CEP63: variants seen among roughly 807,000 people sequenced by gnomAD.
CEP63 encodes the protein centrosomal protein of 63 kDa.
In CEP63, 84 loss-of-function variants were observed where a neutral mutation model predicts 89.1. The observed-to-expected ratio is 0.94, with a 90% CI of 0.79 to 1.13. The LOEUF is 1.13. Among genes scored for constraint, CEP63 ranks in the 50% most tolerant of loss-of-function variants. The probability of loss-of-function intolerance (pLI) is 0.00; values close to 1 mark genes in which losing one functional copy is unlikely to be tolerated. For synonymous variants in CEP63, 267 were observed against 272.5 expected (o/e 0.98, Z 0.20); for missense variants, 838 against 813.3 (o/e 1.03, Z -0.37).
intron 11 of CEP63, among the ~76,000 whole-genome samples, chr3:134,572,495 G>T: frequency 6.6e-6 from 1 of 152,154 alleles, no homozygotes; most frequent in East Asian, 1.9e-4. Context: ...TTGTAAGAGA[G>T]AACATACAGT....
the CEP63 span, among the ~76,000 whole-genome samples, chr3:134,676,935 C>T: frequency 6.6e-6 from 1 of 152,146 alleles, no homozygotes; most frequent in Non-Finnish European, 1.5e-5. Flanking sequence ...GCTTCTTCCA[C>T]TAGAAAAATA....
At chr3:134,684,981 G>A in the CEP63 span, among the ~76,000 whole-genome samples, 1 of 152,212 alleles carries the variant, frequency 6.6e-6, no homozygotes, top group African/African-American at 2.4e-5. Context: ...CACATGGCCT[G>A]ATTGGAGGAA....
intron 5 of CEP63, chr3:134,536,213 T>C (rs1403083350): frequency 1.3e-5 from 2 of 152,322 alleles, no homozygotes; most frequent in African/African-American, 2.4e-5. Flanking sequence ...TGCTATACCA[T>C]ACAAGAAATG....
At chr3:134,661,205 T>A in the CEP63 span, among the ~76,000 whole-genome samples, 1 of 152,196 alleles carries the variant, frequency 6.6e-6, no homozygotes, top group Non-Finnish European at 1.5e-5. Flanking sequence ...CTCCACCGCA[T>A]ACTTGAGCAC....
At chr3:134,490,758 C>T (rs1413788369) in intron 1 of CEP63, among the ~76,000 whole-genome samples, 1 of 151,928 alleles carries the variant, frequency 6.6e-6, no homozygotes, top group African/African-American at 2.4e-5. Flanking sequence ...GTCTATCCTT[C>T]CATTAAAAAA....
At chr3:134,544,565 A>G (rs760049103) in intron 6 of CEP63, among the ~76,000 whole-genome samples, 5 of 150,200 alleles carry the variant, frequency 3.3e-5, no homozygotes, top group African/African-American at 4.9e-5. Context: ...AGAGCATTTT[A>G]TGGTCACGAT....
At chr3:134,547,614 C>CTTTTTTTTCTTTTTTTTTTTTTTTT (rs1953752187) in intron 9 of CEP63, 142 bp downstream of exon 9, 1 of 224,274 alleles carries the variant, frequency 4.5e-6, no homozygotes, top group Non-Finnish European at 8.0e-6. Flanking sequence ...GTTCTTATTT[C>CTTTTTTTTCTTTTTTTTTTTTTTTT]TTTTTTTTTT....
At chr3:134,490,024 A>G (rs6768709) in intron 1 of CEP63, among the ~76,000 whole-genome samples, 3,143 of 152,128 alleles carry the variant, frequency 0.021, 48 homozygotes, top group South Asian at 0.038. Flanking sequence ...TTCCTGGCTC[A>G]TTTATAGATT....
chr3:134,505,591 G>C (rs1371109227), intron 2 of CEP63, among the ~76,000 whole-genome samples: 1 of 152,128 alleles, frequency 6.6e-6, no homozygotes, highest in Non-Finnish European at 1.5e-5. Context: ...CAATCCCCAG[G>C]CCCGTGGGTG....
At chr3:134,682,987 T>G in the CEP63 span, among the ~76,000 whole-genome samples, 1 of 152,232 alleles carries the variant, frequency 6.6e-6, no homozygotes, top group African/African-American at 2.4e-5. Flanking sequence ...ACCACAGTTC[T>G]GCTTTTAAAC....
chr3:134,664,380 C>T, the CEP63 span, among the ~76,000 whole-genome samples: 1 of 152,176 alleles, frequency 6.6e-6, no homozygotes, highest in African/African-American at 2.4e-5. Flanking sequence ...GTAGTGACTG[C>T]TCACAAGCAG....
chr3:134,642,052 A>G, the CEP63 span, among the ~76,000 whole-genome samples: 6 of 152,124 alleles, frequency 3.9e-5, no homozygotes, highest in African/African-American at 1.2e-4. Flanking sequence ...GGGCCCACAG[A>G]GGTCTCTAAG....
the CEP63 span, among the ~76,000 whole-genome samples, chr3:134,720,534 G>A: frequency 7.0e-3 from 1,071 of 152,104 alleles, 13 homozygotes; most frequent in African/African-American, 0.023. Context: ...AACAATTCAG[G>A]GCAAGCCTTA....
At chr3:134,618,583 G>A in the CEP63 span, among the ~76,000 whole-genome samples, 1 of 142,984 alleles carries the variant, frequency 7.0e-6, no homozygotes, top group Non-Finnish European at 1.5e-5. Context: ...AACTGGCAAT[G>A]GCCTGTTCTC....
the CEP63 span, among the ~76,000 whole-genome samples, chr3:134,726,266 G>A: frequency 1.3e-4 from 20 of 152,022 alleles, no homozygotes; most frequent in Admixed American, 4.6e-4. Flanking sequence ...ACCTCGTGCC[G>A]GCCTCAGGCC....
At chr3:134,759,754 G>A in the CEP63 span, among the ~76,000 whole-genome samples, 1 of 152,204 alleles carries the variant, frequency 6.6e-6, no homozygotes, top group Non-Finnish European at 1.5e-5. Context: ...TGATAGCAAT[G>A]ATGACAATAA....
At chr3:134,753,240 C>G in the CEP63 span, among the ~76,000 whole-genome samples, 1 of 152,136 alleles carries the variant, frequency 6.6e-6, no homozygotes, top group African/African-American at 2.4e-5. Context: ...CAGACCGTGT[C>G]TACTCGTTCT....
the CEP63 span, among the ~76,000 whole-genome samples, chr3:134,752,761 G>T: frequency 1.3e-5 from 2 of 152,264 alleles, no homozygotes; most frequent in Admixed American, 6.5e-5. Flanking sequence ...ATTACATGAG[G>T]TCTCATTAAT....
the CEP63 span, among the ~76,000 whole-genome samples, chr3:134,739,248 A>G: frequency 3.3e-5 from 5 of 152,244 alleles, no homozygotes; most frequent in African/African-American, 1.2e-4. Flanking sequence ...AAGTCCATCA[A>G]TTGATCAATG....
Sources: gnomAD v4.1 joint callset for allele counts (sites outside exome capture counted in the v4.1 genomes callset) on GRCh38, gnomAD v4.1.1 for gene constraint, MANE v1.5 for transcripts, NCBI Gene and HGNC (gene_info 2026-07-23, HGNC 2026-07-21) for gene names.